The following LINGO2 variants were observed in gnomAD, a reference collection of about 807,000 sequenced individuals.
The protein encoded by LINGO2 is leucine-rich repeat and immunoglobulin-like domain-containing nogo receptor-interacting protein 2.
LINGO2 carries 14 observed loss-of-function variants against 30.6 expected under a neutral mutation model. That is an observed-to-expected ratio of 0.46 (90% CI 0.30 to 0.72). LINGO2 has a LOEUF of 0.72. LINGO2 is among the 30% of genes least tolerant of loss of function. LINGO2 has a pLI of 0.07. For synonymous variants in LINGO2, 317 were observed against 288.5 expected, an observed-to-expected ratio of 1.10 and a Z score of -1.00; for missense variants, 729 against 751.7, an observed-to-expected ratio of 0.97 and a Z score of 0.35.
At chr9:29,054,151 C>T in the LINGO2 span, among the ~76,000 whole-genome samples, 1 of 152,050 alleles carries the variant, frequency 6.6e-6, no homozygotes, top group Non-Finnish European at 1.5e-5. Flanking sequence ...ATGTATACCC[C>T]TTAGATCTTT....
intron 1 of LINGO2, among the ~76,000 whole-genome samples, chr9:28,522,679 T>A (rs1360356120): frequency 1.3e-5 from 2 of 152,160 alleles, no homozygotes; most frequent in South Asian, 2.1e-4. Flanking sequence ...GAATAAGTAA[T>A]GTGGGAAAGA....
Position 27,964,137 on chromosome 9 carries a change from G to C in LINGO2, c.-35-13431C>G, listed in dbSNP as rs143467977. 2.7e-3 allele frequency among the ~76,000 whole-genome samples: 405 copies of C among 152,156 alleles called. 5 individuals are homozygous for C. Among genetic ancestry groups the C allele is most frequent in the Non-Finnish European group, 4.8e-3 (328 of 67,984 alleles). ...TCTCTACTTATTTATGGTAAGGAAG[G>C]AATGGAAACTTTCAATATTGAGGTT... On this transcript the variant is annotated intron_variant, in intron 5 of 5. Coordinates refer to ENST00000379992, the Ensembl canonical transcript of LINGO2.
chr9:27,973,718 C>T (rs1037484715), intron 5 of LINGO2, among the ~76,000 whole-genome samples: 4 of 152,024 alleles, frequency 2.6e-5, no homozygotes, highest in East Asian at 1.9e-4. Context: ...AGTACCTGGG[C>T]GTCCTTGAAG....
chr9:28,045,205 T>C (rs1587758334), intron 4 of LINGO2, among the ~76,000 whole-genome samples: 1 of 152,196 alleles, frequency 6.6e-6, no homozygotes, highest in East Asian at 1.9e-4. Flanking sequence ...CTACAGATTG[T>C]CTTGTAAAGA....
the LINGO2 span, among the ~76,000 whole-genome samples, chr9:28,794,538 G>T: frequency 6.6e-6 from 1 of 152,086 alleles, no homozygotes; most frequent in Non-Finnish European, 1.5e-5. Context: ...GAATTGTCCT[G>T]GCTCCTTCTC....
the LINGO2 span, among the ~76,000 whole-genome samples, chr9:28,777,293 CATT>C: frequency 6.6e-6 from 1 of 152,122 alleles, no homozygotes; most frequent in Admixed American, 6.5e-5. Context: ...TAAAAACAAT[CATT>C]ATTTCAGAAG....
intron 4 of LINGO2, among the ~76,000 whole-genome samples, chr9:28,026,663 A>G (rs939934870): frequency 6.6e-6 from 1 of 152,134 alleles, no homozygotes; most frequent in African/African-American, 2.4e-5. Flanking sequence ...AAGTCAGTCA[A>G]TACATCTTAC....
At chr9:28,308,885 C>G (rs1824485767) in intron 3 of LINGO2, among the ~76,000 whole-genome samples, 1 of 152,146 alleles carries the variant, frequency 6.6e-6, no homozygotes, top group Non-Finnish European at 1.5e-5. Context: ...CAGTGAGATA[C>G]CATCTCACAC....
chr9:28,683,247 C>T, the LINGO2 span, among the ~76,000 whole-genome samples: 1 of 152,012 alleles, frequency 6.6e-6, no homozygotes, highest in Non-Finnish European at 1.5e-5. Flanking sequence ...GTCATATAAC[C>T]TTTCTCTTGG....
At position 28,589,786 on chromosome 9, in the gene LINGO2, A is replaced by T. The variant is rs893793969; in HGVS notation, c.-365+80414T>A. On this transcript the variant is annotated intron_variant, in intron 1 of 5. Coordinates refer to ENST00000379992, the Ensembl canonical transcript of LINGO2. ...AAGCTACCAATGACTTTCTTCACAG[A>T]ATTGGAAAAAACTACTTTAAAGTTC... Among the ~76,000 whole-genome samples, 41 of 152,066 alleles carry T rather than the reference A, an allele frequency of 2.7e-4. 1 individual carries two copies. Among genetic ancestry groups the T allele is most frequent in the Admixed American group, 1.8e-3 (28 of 15,260 alleles).
intron 1 of LINGO2, among the ~76,000 whole-genome samples, chr9:28,541,453 A>G (rs1821694220): frequency 6.6e-6 from 1 of 152,176 alleles, no homozygotes; most frequent in African/African-American, 2.4e-5. Context: ...ATTGTCAGAA[A>G]AATAGATTCT....
chr9:28,519,325 G>A (rs1434898664), intron 1 of LINGO2, among the ~76,000 whole-genome samples: 1 of 152,042 alleles, frequency 6.6e-6, no homozygotes, highest in Non-Finnish European at 1.5e-5. Flanking sequence ...GTGAGCTACT[G>A]CACTTGGTCA....
At chr9:28,276,954 G>A (rs1263261614) in intron 4 of LINGO2, among the ~76,000 whole-genome samples, 1 of 152,052 alleles carries the variant, frequency 6.6e-6, no homozygotes, top group Non-Finnish European at 1.5e-5. Context: ...CCATGTTGGG[G>A]GCAAATTCAA....
At chr9:28,451,892 A>G (rs1228762427) in intron 2 of LINGO2, among the ~76,000 whole-genome samples, 1 of 151,754 alleles carries the variant, frequency 6.6e-6, no homozygotes, top group Non-Finnish European at 1.5e-5. Context: ...TGAAGTAATT[A>G]TCAATATTAA....
chr9:28,760,046 A>G, the LINGO2 span, among the ~76,000 whole-genome samples: 2 of 152,106 alleles, frequency 1.3e-5, no homozygotes, highest in East Asian at 1.9e-4. Flanking sequence ...TACTGTATAG[A>G]CAATTATAAT....
At chr9:29,069,292 C>T in the LINGO2 span, among the ~76,000 whole-genome samples, 3 of 151,978 alleles carry the variant, frequency 2.0e-5, no homozygotes, top group Non-Finnish European at 2.9e-5. Flanking sequence ...CCTCTCATGA[C>T]GGAATGGCCT....
intron 4 of LINGO2, among the ~76,000 whole-genome samples, chr9:28,083,287 T>A (rs1825823385): frequency 6.6e-6 from 1 of 152,174 alleles, no homozygotes; most frequent in Admixed American, 6.6e-5. Flanking sequence ...GCTCCCTTTT[T>A]GACTCTAGAC....
At chr9:29,023,779 T>C in the LINGO2 span, among the ~76,000 whole-genome samples, 2 of 152,104 alleles carry the variant, frequency 1.3e-5, no homozygotes, top group Non-Finnish European at 2.9e-5. Context: ...AGGCAAGTAA[T>C]TTCAGAATAT....
intron 2 of LINGO2, among the ~76,000 whole-genome samples, chr9:28,421,347 G>T (rs556988130): frequency 4.6e-5 from 7 of 151,282 alleles, no homozygotes; most frequent in Non-Finnish European, 8.8e-5. Flanking sequence ...TTGTTAAAAT[G>T]TCAACACTGC....
Sources: allele counts gnomAD v4.1 joint callset (sites outside exome capture counted in the v4.1 genomes callset), GRCh38; gene constraint gnomAD v4.1.1; transcripts MANE v1.5; gene names NCBI Gene and HGNC (gene_info 2026-07-23, HGNC 2026-07-21).